Variants in CPNE8 observed in about 807,000 individuals in gnomAD.
The protein encoded by CPNE8 is copine 8.
Under a neutral mutation model 81.5 loss-of-function variants are expected in CPNE8, and 45 were observed. The observed-to-expected ratio is 0.55, with a 90% CI of 0.44 to 0.71. The LOEUF (loss-of-function observed/expected upper bound fraction) is 0.71, where lower values mean the gene tolerates loss of function less well. CPNE8 is among the 30% of genes least tolerant of loss of function. The pLI, the probability that CPNE8 is intolerant of heterozygous loss-of-function variation, is 0.00. For synonymous variants in CPNE8, 252 were observed against 226.3 expected (o/e 1.11, Z -1.02); for missense variants, 594 against 672.1 (o/e 0.88, Z 1.28).
chr12:38,885,821 T>C lies in CPNE8; in HGVS notation c.99-11310A>G, dbSNP rs544563964. Among the ~76,000 whole-genome samples, 16 of 152,198 alleles carry C rather than the reference T, an allele frequency of 1.1e-4. 1 individual carries two copies. The South Asian group carries it at 2.5e-3, about 24-fold the overall frequency. Reference sequence around the variant, plus strand: ...AGTCCTCCCCCTTCTGTTCTTGTGATAGTGAGTTCTCAGGAGATTTGGTTG... The same window carrying C: ...AGTCCTCCCCCTTCTGTTCTTGTGACAGTGAGTTCTCAGGAGATTTGGTTG... On this transcript the variant is annotated intron_variant, in intron 1 of 19. Coordinates refer to ENST00000331366, the MANE Select transcript of CPNE8 (RefSeq NM_153634.3).
intron 13 of CPNE8, among the ~76,000 whole-genome samples, chr12:38,716,953 A>C (rs1208506334): frequency 1.3e-5 from 2 of 152,064 alleles, no homozygotes; most frequent in African/African-American, 4.8e-5. Context: ...GAAAAAAACA[A>C]TGACCCCATC....
chr12:38,785,068 G>T (rs947403566), intron 6 of CPNE8, among the ~76,000 whole-genome samples: 2 of 152,064 alleles, frequency 1.3e-5, no homozygotes, highest in Admixed American at 6.6e-5. Context: ...GATGGCACGT[G>T]CCTGTAGTTC....
At chr12:38,809,252 C>A (rs1009805411) in intron 6 of CPNE8, among the ~76,000 whole-genome samples, 1 of 152,166 alleles carries the variant, frequency 6.6e-6, no homozygotes, top group Non-Finnish European at 1.5e-5. Flanking sequence ...AGCTTGTGTT[C>A]TTATCTGGAG....
At chr12:38,704,288 T>C (rs570412401) in intron 13 of CPNE8, among the ~76,000 whole-genome samples, 4 of 152,294 alleles carry the variant, frequency 2.6e-5, no homozygotes, top group African/African-American at 9.6e-5. Context: ...CAAGATTTTC[T>C]TTTGCTTTCT....
chr12:38,719,265 C>CTAGA (rs1186439921), intron 13 of CPNE8, among the ~76,000 whole-genome samples: 1 of 152,108 alleles, frequency 6.6e-6, no homozygotes, highest in African/African-American at 2.4e-5. Flanking sequence ...CATGACCAAG[C>CTAGA]TAGATCTCTT....
chr12:38,791,924 CA>C (rs1387164892), intron 6 of CPNE8, among the ~76,000 whole-genome samples: 1 of 150,592 alleles, frequency 6.6e-6, no homozygotes, highest in Non-Finnish European at 1.5e-5. Context: ...AAATCAACAG[CA>C]GAGGAAAACT....
At chr12:38,903,156 C>A (rs1017906341) in intron 1 of CPNE8, among the ~76,000 whole-genome samples, 2 of 152,128 alleles carry the variant, frequency 1.3e-5, no homozygotes, top group African/African-American at 2.4e-5. Context: ...CAAACCTATT[C>A]CAAAGGCACT....
intron 8 of CPNE8, among the ~76,000 whole-genome samples, chr12:38,762,920 G>A (rs1257776276): frequency 6.6e-6 from 1 of 152,134 alleles, no homozygotes. Flanking sequence ...GTGCAGCGGC[G>A]TGATCTTGGC....
At chr12:38,765,218 C>T (rs887139153) in intron 8 of CPNE8, among the ~76,000 whole-genome samples, 5 of 152,006 alleles carry the variant, frequency 3.3e-5, no homozygotes, top group Admixed American at 2.6e-4. Flanking sequence ...AAAAATTCTG[C>T]CAGGAGTCCA....
intron 1 of CPNE8, among the ~76,000 whole-genome samples, chr12:38,897,761 G>A (rs1274546567): frequency 2.6e-5 from 4 of 151,878 alleles, no homozygotes; most frequent in Admixed American, 6.6e-5. Context: ...ATAGTTTGAC[G>A]CAACAGCGAA....
intron 4 of CPNE8, among the ~76,000 whole-genome samples, chr12:38,844,218 C>T (rs899139187): frequency 2.6e-5 from 4 of 151,962 alleles, no homozygotes; most frequent in Non-Finnish European, 5.9e-5. Context: ...CTCAGATATC[C>T]CTTTTTAGTG....
At chr12:38,844,605 G>T (rs561812114) in intron 4 of CPNE8, among the ~76,000 whole-genome samples, 63 of 152,048 alleles carry the variant, frequency 4.1e-4, no homozygotes, top group African/African-American at 1.5e-3. Flanking sequence ...ACATACCATA[G>T]TAACAATAAA....
At chr12:38,666,932 AGG>A (rs1939068753) in intron 19 of CPNE8, among the ~76,000 whole-genome samples, 1 of 152,206 alleles carries the variant, frequency 6.6e-6, no homozygotes, top group Non-Finnish European at 1.5e-5. Context: ...AAGTTAATTA[AGG>A]ACTGAGTGAT....
At chr12:38,870,221 A>AC (rs2137099972) in intron 3 of CPNE8, among the ~76,000 whole-genome samples, 1 of 152,380 alleles carries the variant, frequency 6.6e-6, no homozygotes, top group Admixed American at 6.5e-5. Context: ...ATTGTGGAAG[A>AC]CAGTGTGGTG....
chr12:38,723,359 A>G (rs1226564848), intron 13 of CPNE8, among the ~76,000 whole-genome samples: 2 of 151,974 alleles, frequency 1.3e-5, no homozygotes, highest in African/African-American at 4.8e-5. Context: ...TACACCATCC[A>G]TTTCTGCATT....
intron 3 of CPNE8, among the ~76,000 whole-genome samples, chr12:38,864,629 T>C (rs1943889808): frequency 6.6e-6 from 1 of 152,226 alleles, no homozygotes; most frequent in Non-Finnish European, 1.5e-5. Flanking sequence ...CAAATGTTCC[T>C]GAGTCAATTC....
intron 1 of CPNE8, among the ~76,000 whole-genome samples, chr12:38,881,227 A>G (rs1407366429): frequency 6.7e-6 from 1 of 150,100 alleles, no homozygotes; most frequent in Non-Finnish European, 1.5e-5. Flanking sequence ...AAAAAAAAAG[A>G]AATATTTTAA....
upstream of CPNE8, chr12:38,905,689 C>CT (rs1944561074): frequency 6.9e-7 from 1 of 1,458,038 alleles, no homozygotes; most frequent in African/African-American, 1.4e-5. Flanking sequence ...AGGGAGGAGG[C>CT]GGACCTCCGC....
At chr12:38,886,626 A>C (rs890087319) in intron 1 of CPNE8, among the ~76,000 whole-genome samples, 4 of 152,206 alleles carry the variant, frequency 2.6e-5, no homozygotes, top group African/African-American at 9.6e-5. Flanking sequence ...ACTTTGTAGA[A>C]GAAAGAAGAG....
Sources: gnomAD v4.1 joint callset for allele counts (sites outside exome capture counted in the v4.1 genomes callset) on GRCh38, gnomAD v4.1.1 for gene constraint, MANE v1.5 for transcripts, NCBI Gene and HGNC (gene_info 2026-07-23, HGNC 2026-07-21) for gene names.